The following LPP variants were observed in gnomAD, a reference collection of about 807,000 sequenced individuals.
The protein encoded by LPP is lipoma-preferred partner.
In LPP, 38 loss-of-function variants were observed where a neutral mutation model predicts 60.4. The ratio of observed to expected loss-of-function variants is 0.63; its 90% CI spans 0.49 to 0.83. The LOEUF (loss-of-function observed/expected upper bound fraction) is 0.83, where lower values mean the gene tolerates loss of function less well. Among genes scored for constraint, LPP ranks in the 40% least tolerant of loss-of-function variants. LPP has a pLI of 0.00. For missense variants in LPP, 902 were observed against 783.6 expected (o/e 1.15, Z -1.80); for synonymous variants, 328 against 290.8 (o/e 1.13, Z -1.30).
chr3:188,484,508 A>G, intron 4 of LPP, 84 bp from the exon 5 acceptor site: 2 of 992,386 alleles, frequency 2.0e-6, no homozygotes, highest in Non-Finnish European at 3.1e-6. Context: ...CCAATTATAA[A>G]AAAGTAAAAT....
chr3:188,453,588 C>A (rs1460152810), intron 4 of LPP, among the ~76,000 whole-genome samples: 4 of 151,966 alleles, frequency 2.6e-5, no homozygotes, highest in Admixed American at 1.3e-4. Context: ...AGAACATGTG[C>A]TAATTCTCTG....
intron 6 of LPP, among the ~76,000 whole-genome samples, chr3:188,608,319 C>A (rs945453608): frequency 6.6e-6 from 1 of 152,196 alleles, no homozygotes; most frequent in Non-Finnish European, 1.5e-5. Flanking sequence ...TCAGGCCTTT[C>A]TCATCTTTAA....
intron 5 of LPP, among the ~76,000 whole-genome samples, chr3:188,495,087 A>ATATATATATATATATAT (rs1560478042): frequency 4.4e-5 from 1 of 22,624 alleles, no homozygotes; most frequent in Non-Finnish European, 9.9e-5. Context: ...TATATATTTT[A>ATATATATATATATATAT]TTTATATTTT....
At chr3:188,339,592 A>T (rs1398394654) in intron 2 of LPP, among the ~76,000 whole-genome samples, 1 of 152,200 alleles carries the variant, frequency 6.6e-6, no homozygotes, top group African/African-American at 2.4e-5. Context: ...AGTGACTGCC[A>T]GCAGGAGAAA....
At chr3:188,716,438 G>A (rs1714038240) in intron 8 of LPP, among the ~76,000 whole-genome samples, 2 of 152,196 alleles carry the variant, frequency 1.3e-5, no homozygotes, top group Admixed American at 6.5e-5. Flanking sequence ...CAATGAGGAG[G>A]ATGGTCCATT....
At chr3:188,456,670 G>T (rs151019957) in intron 4 of LPP, among the ~76,000 whole-genome samples, 1 of 152,150 alleles carries the variant, frequency 6.6e-6, no homozygotes, top group African/African-American at 2.4e-5. Context: ...AGTCAACCTC[G>T]GCTTCTGAGT....
intron 3 of LPP, among the ~76,000 whole-genome samples, chr3:188,363,712 C>G (rs1184369264): frequency 6.6e-6 from 1 of 152,022 alleles, no homozygotes; most frequent in Non-Finnish European, 1.5e-5. Context: ...CAAGACCAGC[C>G]TGGCCAACAT....
In LPP at chr3:188,879,765, C is replaced by T. The variant is rs1188522136; in HGVS notation, c.*5286C>T. On this transcript the variant is annotated 3_prime_UTR_variant, in exon 12 of 12. Coordinates refer to ENST00000617246, the MANE Select transcript of LPP (RefSeq NM_001375462.1). ...CTATTGTATTTTCAGAATTTTAACA[C>T]AGATTAACACTTAGCCTGTAAGACT... The T allele has an allele frequency of 5.5e-6, 1 of 181,712 alleles. No homozygotes were observed. Among genetic ancestry groups the T allele is most frequent in the African/African-American group, 2.4e-5 (1 of 42,406 alleles). 11.3% of individuals were successfully genotyped at this position (181,712 alleles called of 1,614,324 possible).
intron 7 of LPP, among the ~76,000 whole-genome samples, chr3:188,628,844 C>T (rs910581914): frequency 6.6e-6 from 1 of 152,056 alleles, no homozygotes; most frequent in Admixed American, 6.6e-5. Flanking sequence ...AACATAGACA[C>T]AAAAATCTTC....
chr3:188,875,612 T>G lies in LPP; in HGVS notation c.*1133T>G, dbSNP rs1050614847. ...GATTCTGAAACCACAGTTTCATTAT[T>G]CTCATAATCCTTCTGCAACTGAAAT... On this transcript the variant is annotated 3_prime_UTR_variant, in exon 12 of 12. Coordinates refer to ENST00000617246, the MANE Select transcript of LPP (RefSeq NM_001375462.1). 2 of 206,268 alleles carry G rather than the reference T, an allele frequency of 9.7e-6. No individual in the cohort carries two copies. The highest frequency in any genetic ancestry group is 4.6e-5 in the African/African-American group (2 of 43,800). The allele number at this position is 206,268 out of a possible 1,614,324, so 12.8% of individuals were successfully genotyped here. A position where few individuals can be genotyped will look rare whatever the true frequency, so the allele number is the denominator to read the frequency against.
intron 9 of LPP, among the ~76,000 whole-genome samples, chr3:188,761,142 T>G (rs906300547): frequency 1.3e-5 from 2 of 152,228 alleles, no homozygotes; most frequent in African/African-American, 4.8e-5. Context: ...TTGTTTGTTA[T>G]GTAAACCCAC....
chr3:188,194,980 C>T (rs1247803113), intron 1 of LPP, among the ~76,000 whole-genome samples: 2 of 152,154 alleles, frequency 1.3e-5, no homozygotes, highest in Non-Finnish European at 2.9e-5. Context: ...GAGCCTGGGC[C>T]AGACGCGGTG....
intron 8 of LPP, among the ~76,000 whole-genome samples, chr3:188,734,839 C>A (rs1017334352): frequency 6.6e-6 from 1 of 152,180 alleles, no homozygotes; most frequent in South Asian, 2.1e-4. Context: ...AGGAGGAACA[C>A]TGATAGGTTT....
rs183842233 is a variant in LPP, at chr3:188,545,547, C to T, written c.429+20760C>T. Among the ~76,000 whole-genome samples, 1,509 of 152,122 alleles carry T rather than the reference C, an allele frequency of 9.9e-3. 28 individuals carry two copies. The highest frequency in any genetic ancestry group is 0.012 in the Non-Finnish European group (795 of 68,000). On this transcript the variant is annotated intron_variant, in intron 6 of 11. Coordinates refer to ENST00000617246, the MANE Select transcript of LPP (RefSeq NM_001375462.1). ...TCCATGAAAATAGCTTAACTCTGTT[C>T]TGTGAAATGAGCCCATGTGCCTCGA... is the stretch of plus-strand genomic sequence containing the variant.
At chr3:188,592,557 G>GTTTGTTTTTGTTTTTTTTTTTTTTTT (rs1260656926) in intron 6 of LPP, among the ~76,000 whole-genome samples, 1 of 85,756 alleles carries the variant, frequency 1.2e-5, no homozygotes, top group African/African-American at 4.5e-5. Context: ...TTTTGTTTTT[G>GTTTGTTTTTGTTTTTTTTTTTTTTTT]TTTTTTAAAT....
chr3:188,536,534 C>T (rs1030028369), intron 6 of LPP, among the ~76,000 whole-genome samples: 27 of 152,314 alleles, frequency 1.8e-4, no homozygotes, highest in African/African-American at 6.5e-4. Context: ...TGTGTCCATA[C>T]ACATATATTT....
intron 4 of LPP, among the ~76,000 whole-genome samples, chr3:188,463,828 C>T (rs1799717905): frequency 6.6e-6 from 1 of 152,130 alleles, no homozygotes; most frequent in Non-Finnish European, 1.5e-5. Context: ...ACTAGGATCT[C>T]CTGAGAAACC....
chr3:188,867,611 T>C, intron 10 of LPP, among the ~76,000 whole-genome samples: 1 of 152,214 alleles, frequency 6.6e-6, no homozygotes, highest in Non-Finnish European at 1.5e-5. Flanking sequence ...CCCAAAGAGC[T>C]GGTATTACAG....
rs755472171 is a variant in LPP, at chr3:188,889,900, TA to T, written c.*15422del. 5 of 211,378 alleles carry T rather than the reference TA, an allele frequency of 2.4e-5. No individual in the cohort carries two copies. Among genetic ancestry groups the T allele is most frequent in the Non-Finnish European group, 4.8e-5 (5 of 104,184 alleles). The allele number at this position is 211,378 out of a possible 1,614,324, so 13.1% of individuals were successfully genotyped here. A position where few individuals can be genotyped will look rare whatever the true frequency, so the allele number is the denominator to read the frequency against. On this transcript the variant is annotated 3_prime_UTR_variant, in exon 12 of 12. Transcript: ENST00000617246. ...CAATTTCCACACTAGTCATTTTTTT[TA>T]TTTTTTAGAGGATCAGATTTTAGCG...
Sources: allele counts gnomAD v4.1 joint callset (sites outside exome capture counted in the v4.1 genomes callset), GRCh38; gene constraint gnomAD v4.1.1; transcripts MANE v1.5; gene names NCBI Gene and HGNC (gene_info 2026-07-23, HGNC 2026-07-21).